FMN2: variants seen among roughly 807,000 people sequenced by gnomAD.
FMN2 encodes formin 2.
Under a neutral mutation model 142.3 loss-of-function variants are expected in FMN2, and 51 were observed. The observed-to-expected ratio is 0.36, with a 90% CI of 0.29 to 0.45. The LOEUF (loss-of-function observed/expected upper bound fraction) is 0.45. FMN2 is among the 20% of genes least tolerant of loss of function. The pLI is 1.00. For synonymous variants in FMN2, 882 were observed against 869.8 expected (o/e 1.01, Z -0.25); for missense variants, 1,936 against 2,122.8 (o/e 0.91, Z 1.73).
chr1:240,358,162 A>G (rs1405462110), intron 14 of FMN2, among the ~76,000 whole-genome samples: 2 of 152,170 alleles, frequency 1.3e-5, no homozygotes, highest in African/African-American at 2.4e-5. Flanking sequence ...TCATTTAAAA[A>G]TTCTTTTAAT....
intron 2 of FMN2, chr1:240,143,817 C>T: frequency 1.3e-6 from 2 of 1,533,244 alleles, no homozygotes; most frequent in South Asian, 1.1e-5. Flanking sequence ...ATTCCACAGG[C>T]TAGAGCTGTC....
At chr1:240,288,255 T>C (rs12035653) in intron 7 of FMN2, among the ~76,000 whole-genome samples, 33,927 of 152,056 alleles carry the variant, frequency 0.22, 3,836 homozygotes, top group Middle Eastern at 0.27. Flanking sequence ...CACGTCTCTG[T>C]ATATCTACAG....
chr1:240,183,051 G>A (rs1375282562), intron 3 of FMN2, among the ~76,000 whole-genome samples: 1 of 151,594 alleles, frequency 6.6e-6, no homozygotes, highest in African/African-American at 2.4e-5. Flanking sequence ...CAAAGTGCTG[G>A]GATTACAGGT....
chr1:240,225,651 C>G (rs1322451673), intron 6 of FMN2, among the ~76,000 whole-genome samples: 6 of 152,116 alleles, frequency 3.9e-5, no homozygotes, highest in Non-Finnish European at 7.4e-5. Context: ...ACAACAAATT[C>G]AAGTCATGTA....
chr1:240,373,423 T>C (rs1173277332), intron 14 of FMN2, among the ~76,000 whole-genome samples: 4 of 152,188 alleles, frequency 2.6e-5, no homozygotes, highest in African/African-American at 4.8e-5. Flanking sequence ...TTGGTAGTAT[T>C]TTACCCACAG....
At chr1:240,113,224 G>A (rs1661882736) in intron 1 of FMN2, among the ~76,000 whole-genome samples, 1 of 152,066 alleles carries the variant, frequency 6.6e-6, no homozygotes, top group African/African-American at 2.4e-5. Flanking sequence ...AGGGAACCGG[G>A]AAGCCTCTGG....
intron 16 of FMN2, among the ~76,000 whole-genome samples, chr1:240,468,546 CCT>C: frequency 6.6e-6 from 1 of 152,200 alleles, no homozygotes; most frequent in Non-Finnish European, 1.5e-5. Flanking sequence ...AGGTATTGTC[CCT>C]CTTTTTACTT....
intron 8 of FMN2, among the ~76,000 whole-genome samples, chr1:240,302,077 G>A (rs1670220178): frequency 6.6e-6 from 1 of 151,394 alleles, no homozygotes; most frequent in Non-Finnish European, 1.5e-5. Context: ...TTTTCTTTCT[G>A]TTCATCATAT....
chr1:240,274,688 G>A (rs1669132971), intron 7 of FMN2, among the ~76,000 whole-genome samples: 1 of 152,102 alleles, frequency 6.6e-6, no homozygotes, highest in African/African-American at 2.4e-5. Flanking sequence ...GACTATCACA[G>A]CAACAGATGT....
At chr1:240,183,988 T>G (rs1307023410) in intron 3 of FMN2, among the ~76,000 whole-genome samples, 1 of 152,136 alleles carries the variant, frequency 6.6e-6, no homozygotes, top group Admixed American at 6.5e-5. Flanking sequence ...AGAAGGCATA[T>G]TTTGTATGTA....
intron 11 of FMN2, among the ~76,000 whole-genome samples, chr1:240,331,512 G>A (rs545834197): frequency 6.6e-5 from 10 of 152,258 alleles, no homozygotes; most frequent in Admixed American, 5.9e-4. Context: ...TTCTGGACAT[G>A]TTTTTGAAAT....
chr1:240,167,069 C>T (rs916434197), intron 2 of FMN2, among the ~76,000 whole-genome samples: 1 of 152,104 alleles, frequency 6.6e-6, no homozygotes, highest in Admixed American at 6.5e-5. Flanking sequence ...TTGCAGTGAG[C>T]CAAGATTGTG....
intron 4 of FMN2, among the ~76,000 whole-genome samples, chr1:240,205,459 T>TTC (rs1441372124): frequency 7.5e-6 from 1 of 134,074 alleles, no homozygotes; most frequent in East Asian, 2.1e-4. Flanking sequence ...CTCTTTCCTT[T>TTC]TTTTTTTTTT....
At chr1:240,139,796 G>A (rs1663102819) in intron 2 of FMN2, among the ~76,000 whole-genome samples, 1 of 152,148 alleles carries the variant, frequency 6.6e-6, no homozygotes, top group South Asian at 2.1e-4. Flanking sequence ...TGTGTGATTA[G>A]CTCTGTGCAC....
At chr1:240,109,133 G>A (rs926320325) in intron 1 of FMN2, among the ~76,000 whole-genome samples, 1 of 152,198 alleles carries the variant, frequency 6.6e-6, no homozygotes, top group Non-Finnish European at 1.5e-5. Context: ...TCAAACAGAT[G>A]ATTAAAATTG....
chr1:240,163,355 A>AT, intron 2 of FMN2, among the ~76,000 whole-genome samples: 1 of 152,196 alleles, frequency 6.6e-6, no homozygotes, highest in Admixed American at 6.6e-5. Context: ...AGCTCTGCCA[A>AT]TTTTTGCTAT....
At chr1:240,118,340 G>A (rs889028949) in intron 1 of FMN2, among the ~76,000 whole-genome samples, 8 of 152,164 alleles carry the variant, frequency 5.3e-5, no homozygotes, top group Non-Finnish European at 8.8e-5. Flanking sequence ...GGGGCTGGGG[G>A]AAAGTTTGAT....
At chr1:240,457,903 A>C (rs1676308496) in intron 16 of FMN2, 1 of 152,294 alleles carries the variant, frequency 6.6e-6, no homozygotes, top group South Asian at 2.1e-4. Flanking sequence ...AGAACCATGC[A>C]CACTACTGCT....
At chr1:240,135,749 G>T (rs1000239186) in intron 2 of FMN2, among the ~76,000 whole-genome samples, 5 of 149,582 alleles carry the variant, frequency 3.3e-5, no homozygotes, top group Non-Finnish European at 7.4e-5. Flanking sequence ...GTGCGATCTC[G>T]GCTCACTGCA....
Sources: gnomAD v4.1 joint callset for allele counts (sites outside exome capture counted in the v4.1 genomes callset) on GRCh38, gnomAD v4.1.1 for gene constraint, MANE v1.5 for transcripts, NCBI Gene and HGNC (gene_info 2026-07-23, HGNC 2026-07-21) for gene names.